USP34: variants seen among roughly 807,000 people sequenced by gnomAD.
USP34 encodes ubiquitin specific peptidase 34, also known as ubiquitin carboxyl-terminal hydrolase 34.
USP34 carries 70 observed loss-of-function variants against 460.3 expected under a neutral mutation model. The ratio of observed to expected loss-of-function variants is 0.15; its 90% CI spans 0.13 to 0.19. The LOEUF is 0.19. Among genes scored for constraint, USP34 ranks in the 10% least tolerant of loss-of-function variants. The probability of loss-of-function intolerance (pLI) is 1.00; values close to 1 mark genes in which losing one functional copy is unlikely to be tolerated. For missense variants in USP34, 3,985 were observed against 4,236.2 expected (o/e 0.94, Z 1.65); for synonymous variants, 1,647 against 1,405.3 (o/e 1.17, Z -3.85).
chr2:61,301,922 G>A (rs1242460789), intron 27 of USP34, among the ~76,000 whole-genome samples: 1 of 151,706 alleles, frequency 6.6e-6, no homozygotes, highest in Non-Finnish European at 1.5e-5. Context: ...TTTGTTATCT[G>A]GGAAGGGATG....
chr2:61,423,296 G>A (rs1206856637), intron 1 of USP34, among the ~76,000 whole-genome samples: 1 of 152,028 alleles, frequency 6.6e-6, no homozygotes, highest in Non-Finnish European at 1.5e-5. Context: ...GTATTTTGTA[G>A]AGAGGGAGTT....
At chr2:61,290,230 T>C (rs1171933435) in intron 33 of USP34, among the ~76,000 whole-genome samples, 1 of 152,140 alleles carries the variant, frequency 6.6e-6, no homozygotes, top group African/African-American at 2.4e-5. Flanking sequence ...GTGGAGTAAA[T>C]GAAATTCTCG....
At chr2:61,340,144 A>G (rs1006932740) in intron 16 of USP34, among the ~76,000 whole-genome samples, 1 of 152,236 alleles carries the variant, frequency 6.6e-6, no homozygotes, top group Non-Finnish European at 1.5e-5. Context: ...CATATTTGAA[A>G]TAATTATTTA....
At chr2:61,373,182 T>A (rs74751300) in intron 8 of USP34, among the ~76,000 whole-genome samples, 1,918 of 152,020 alleles carry the variant, frequency 0.013, 40 homozygotes, top group African/African-American at 0.043. Context: ...ATTTTTTAAA[T>A]CAATGCAATT....
intron 1 of USP34, among the ~76,000 whole-genome samples, chr2:61,440,488 C>A (rs191267989): frequency 6.6e-6 from 1 of 152,096 alleles, no homozygotes; most frequent in East Asian, 1.9e-4. Context: ...TTTTCCCCTC[C>A]ATTCTTCTTG....
chr2:61,236,251 T>C lies in USP34; in HGVS notation c.6843-15A>G, dbSNP rs1261986654. 2 of 1,602,826 alleles carry C rather than the reference T, an allele frequency of 1.2e-6. No individual in the cohort carries two copies. Among genetic ancestry groups the C allele is most frequent in the Non-Finnish European group, 1.7e-6 (2 of 1,175,170 alleles). On this transcript the variant is annotated splice_polypyrimidine_tract_variant and intron_variant, in intron 54 of 79. Transcript: ENST00000398571. ...GCCACATAAATCTAGAATTTAAAAATAATCATTTAAAATTCACACGTAAGA... is the reference window on the plus strand; with the variant it reads ...GCCACATAAATCTAGAATTTAAAAACAATCATTTAAAATTCACACGTAAGA...
At position 61,235,919 on chromosome 2, in the gene USP34, GAA is replaced by G. The variant is rs1558482302; in HGVS notation, c.6967-11_6967-10del. The G allele has an allele frequency of 1.9e-6, 3 of 1,611,106 alleles. No homozygotes were observed. Among genetic ancestry groups the G allele is most frequent in the East Asian group, 2.2e-5 (1 of 44,840 alleles). ...CACTGAAGCATCGTGGGCTAGAAAA[GAA>G]AAGTCAGTCAAAGCATATGAACTTC... On this transcript the variant is annotated splice_polypyrimidine_tract_variant and intron_variant, in intron 56 of 79. Coordinates refer to ENST00000398571, the MANE Select transcript of USP34 (RefSeq NM_014709.4).
At chr2:61,268,247 G>T (rs575614810) in intron 41 of USP34, among the ~76,000 whole-genome samples, 1 of 151,816 alleles carries the variant, frequency 6.6e-6, no homozygotes, top group South Asian at 2.1e-4. Context: ...ATTGTAAACT[G>T]GGCCGGGTAC....
At chr2:61,275,970 A>G (rs1395419985) in intron 41 of USP34, among the ~76,000 whole-genome samples, 1 of 152,218 alleles carries the variant, frequency 6.6e-6, no homozygotes, top group African/African-American at 2.4e-5. Context: ...TACATGCAGC[A>G]AATATGATAT....
Position 61,420,181 on chromosome 2 carries a change from T to A in USP34, c.131+565A>T, listed in dbSNP as rs544758296. ...AAGGACTAAGTTTAAGTTAAAGTAATTTTTATTTTCATTGGTTTATTCAAG... is the reference window on the plus strand; with the variant it reads ...AAGGACTAAGTTTAAGTTAAAGTAAATTTTATTTTCATTGGTTTATTCAAG... On this transcript the variant is annotated intron_variant, in intron 2 of 79. Coordinates refer to ENST00000398571, the MANE Select transcript of USP34 (RefSeq NM_014709.4). 1.8e-4 allele frequency among the ~76,000 whole-genome samples: 28 copies of A among 152,310 alleles called. 1 individual carries two copies. The South Asian group carries it at 5.0e-3, about 27-fold the overall frequency.
At chr2:61,193,349 GGGA>G (rs1217516276) in intron 75 of USP34, 1 of 133,734 alleles carries the variant, frequency 7.5e-6, no homozygotes, top group Non-Finnish European at 1.5e-5. Flanking sequence ...GACTGCAGGA[GGGA>G]GGAGGGGAAA....
chr2:61,322,777 T>G (rs1297000652), intron 21 of USP34, among the ~76,000 whole-genome samples: 2 of 152,200 alleles, frequency 1.3e-5, no homozygotes, highest in Non-Finnish European at 2.9e-5. Context: ...TGAGAACTTG[T>G]GCCCATAGAA....
At chr2:61,363,300 T>C (rs1572969485) in intron 10 of USP34, among the ~76,000 whole-genome samples, 1 of 152,180 alleles carries the variant, frequency 6.6e-6, no homozygotes, top group African/African-American at 2.4e-5. Flanking sequence ...AACAATTTGG[T>C]GCCTTCTCAA....
At position 61,288,876 on chromosome 2, in the gene USP34, C is replaced by A. The variant is rs1449608434; in HGVS notation, c.4550G>T (p.Trp1517Leu). The change falls in exon 34 of 80, where the codon TGG becomes TTG. Residue 1517 changes from tryptophan (W) to leucine (L), a missense_variant and splice_region_variant. By Grantham distance (61) the Trp-to-Leu change is moderately conservative. Transcript: ENST00000398571. ...CAAGCAAGCAAGACAGTCTAGCTGC[C>A]ACTGTAAATGAGAAGAAATAGTCAA... ...EPKEQESWTV[W>L]QLDCLACLLK... The A allele has an allele frequency of 1.9e-6, 3 of 1,611,936 alleles. No homozygotes were observed. The highest frequency in any genetic ancestry group is 2.5e-6 in the Non-Finnish European group (3 of 1,179,740).
chr2:61,346,769 T>C (rs1257892173), intron 15 of USP34, among the ~76,000 whole-genome samples: 1 of 134,916 alleles, frequency 7.4e-6, no homozygotes, highest in Non-Finnish European at 1.5e-5. Flanking sequence ...GAGACGGAGG[T>C]TGCAGTGAGC....
chr2:61,259,695 T>C lies in USP34; in HGVS notation c.5844+16A>G, dbSNP rs1572878960. On this transcript the variant is annotated intron_variant, in intron 44 of 79. Coordinates refer to ENST00000398571, the MANE Select transcript of USP34 (RefSeq NM_014709.4). ...GCCACAGTGCCTGGCCTAGCCTCCATGATTCTTAAACATACCATTAAATAT... is the reference window on the plus strand; with the variant it reads ...GCCACAGTGCCTGGCCTAGCCTCCACGATTCTTAAACATACCATTAAATAT... 11 of 1,610,872 alleles carry C rather than the reference T, an allele frequency of 6.8e-6. No individual in the cohort carries two copies. The highest frequency in any genetic ancestry group is 9.3e-6 in the Non-Finnish European group (11 of 1,178,790).
intron 10 of USP34, among the ~76,000 whole-genome samples, chr2:61,365,827 G>C (rs1170715439): frequency 2.0e-5 from 3 of 152,068 alleles, no homozygotes; most frequent in African/African-American, 7.2e-5. Flanking sequence ...TCATCCTCTA[G>C]AGAAGAAAAT....
chr2:61,411,669 G>C (rs1417559005), intron 2 of USP34, among the ~76,000 whole-genome samples: 2 of 151,944 alleles, frequency 1.3e-5, no homozygotes, highest in Non-Finnish European at 2.9e-5. Context: ...TCTTAGTTTA[G>C]TGTATTTGTG....
In USP34 at chr2:61,319,170, T is replaced by C; in HGVS notation, c.3168+3A>G. ...AATAACAAACTGAGAGAAATGTAAT[T>C]ACCTTCTCCAGGAAAAGATGTTTGT... On this transcript the variant is annotated splice_donor_region_variant and intron_variant, in intron 22 of 79. Coordinates refer to ENST00000398571, the MANE Select transcript of USP34 (RefSeq NM_014709.4). The C allele has an allele frequency of 2.6e-6, 4 of 1,552,466 alleles. No individual in the cohort carries two copies. The highest frequency in any genetic ancestry group is 3.4e-6 in the Non-Finnish European group (4 of 1,159,574).
Sources: gnomAD v4.1 joint callset for allele counts (sites outside exome capture counted in the v4.1 genomes callset) on GRCh38, gnomAD v4.1.1 for gene constraint, MANE v1.5 for transcripts, NCBI Gene and HGNC (gene_info 2026-07-23, HGNC 2026-07-21) for gene names.